The following PPP1R9A variants were observed in gnomAD, a reference collection of about 807,000 sequenced individuals.
PPP1R9A encodes the protein protein phosphatase 1 regulatory subunit 9A.
Under a neutral mutation model 141.9 loss-of-function variants are expected in PPP1R9A, and 59 were observed. The ratio of observed to expected loss-of-function variants is 0.42; its 90% CI spans 0.34 to 0.52. PPP1R9A has a LOEUF of 0.52. Ranked by LOEUF, PPP1R9A falls within the 20% of genes least tolerant of loss-of-function variation. The probability of loss-of-function intolerance (pLI) is 0.10; values close to 1 mark genes in which losing one functional copy is unlikely to be tolerated. For missense variants in PPP1R9A, 1,444 were observed against 1,611.9 expected (o/e 0.90, Z 1.78); for synonymous variants, 500 against 569.7 (o/e 0.88, Z 1.74).
At chr7:94,928,083 G>A (rs1237115013) in intron 2 of PPP1R9A, among the ~76,000 whole-genome samples, 3 of 152,186 alleles carry the variant, frequency 2.0e-5, no homozygotes, top group Admixed American at 6.5e-5. Flanking sequence ...ATCAGGAGGA[G>A]AGGAATCATT....
intron 4 of PPP1R9A, among the ~76,000 whole-genome samples, chr7:95,131,905 T>C (rs1426433919): frequency 6.6e-6 from 1 of 152,180 alleles, no homozygotes; most frequent in Non-Finnish European, 1.5e-5. Flanking sequence ...TATCTTTCAC[T>C]TTCTTGGTTA....
At chr7:95,221,506 A>G (rs190570493) in intron 7 of PPP1R9A, among the ~76,000 whole-genome samples, 141 of 152,160 alleles carry the variant, frequency 9.3e-4, no homozygotes, top group African/African-American at 3.0e-3. Flanking sequence ...GTATGTCTAC[A>G]TACGTCTCCC....
At chr7:95,137,846 A>G (rs185771966) in intron 4 of PPP1R9A, among the ~76,000 whole-genome samples, 1 of 152,296 alleles carries the variant, frequency 6.6e-6, no homozygotes, top group Non-Finnish European at 1.5e-5. Flanking sequence ...TCAGGACAGT[A>G]TGCCATTGGT....
chr7:95,056,136 G>A lies in PPP1R9A; in HGVS notation c.1396-55123G>A, dbSNP rs115622625. ...TTTCTCACTTTTACTTGTTAAAATG[G>A]CATGCATATTTTACATTTCCTAAAG... On this transcript the variant is annotated intron_variant, in intron 2 of 19. Transcript: ENST00000433360. 6.1e-3 allele frequency among the ~76,000 whole-genome samples: 933 copies of A among 151,852 alleles called. 11 individuals are homozygous for A. The highest frequency in any genetic ancestry group is 0.021 in the African/African-American group (882 of 41,408).
intron 12 of PPP1R9A, among the ~76,000 whole-genome samples, chr7:95,253,564 C>T (rs560302998): frequency 4.5e-4 from 69 of 152,118 alleles, no homozygotes; most frequent in Non-Finnish European, 8.2e-4. Flanking sequence ...ATTAGCATTA[C>T]GACTAAGTGA....
In PPP1R9A at chr7:95,241,375, G is replaced by A. The variant is rs533336852; in HGVS notation, c.2113-6098G>A. On this transcript the variant is annotated intron_variant, in intron 8 of 19. Coordinates refer to ENST00000433360, the MANE Select transcript of PPP1R9A (RefSeq NM_001166160.2). ...GTCCACTTTTTGCTTGGGACAGAAT[G>A]GATCTCAAGCCATCAGTGAGGGTGG... Among the ~76,000 whole-genome samples, 8 of 152,270 alleles carry A rather than the reference G, an allele frequency of 5.3e-5. No individual in the cohort carries two copies. The East Asian group carries it at 1.5e-3, about 29-fold the overall frequency.
rs908726395 is a variant in PPP1R9A, at chr7:95,274,288, G to T, written c.3296+120G>T. ...GAGCTAAAGTGATATGCCAAGAATT[G>T]AGATGGAAGAAAAATTGCACAATTA... is the stretch of plus-strand genomic sequence containing the variant. On this transcript the variant is annotated intron_variant, in intron 16 of 19. Transcript: ENST00000433360. 4 of 908,712 alleles carry T rather than the reference G, an allele frequency of 4.4e-6. No homozygotes were observed. In the African/African-American group the frequency reaches 6.8e-5, roughly 15 times the overall value. 56.3% of individuals were successfully genotyped at this position (908,712 alleles called of 1,614,324 possible).
At chr7:95,039,397 C>T (rs913910952) in intron 2 of PPP1R9A, among the ~76,000 whole-genome samples, 2 of 151,592 alleles carry the variant, frequency 1.3e-5, no homozygotes, top group Non-Finnish European at 2.9e-5. Context: ...GGTGAAACCC[C>T]GTCTCTACTT....
At chr7:95,081,282 A>G (rs1468030867) in intron 2 of PPP1R9A, among the ~76,000 whole-genome samples, 1 of 152,238 alleles carries the variant, frequency 6.6e-6, no homozygotes, top group African/African-American at 2.4e-5. Flanking sequence ...TAAAAAGAGC[A>G]TAACAAGGAG....
chr7:95,291,504 TA>T lies in PPP1R9A; in HGVS notation c.*1202del, dbSNP rs1806356799. On this transcript the variant is annotated 3_prime_UTR_variant, in exon 20 of 20. Coordinates refer to ENST00000433360, the MANE Select transcript of PPP1R9A (RefSeq NM_001166160.2). ...AAGGCAGTGCATAGGTATACTTTAGTAGTGGAGGAACTTATACTAATTTTAA... is the reference window on the plus strand; with the variant it reads ...AAGGCAGTGCATAGGTATACTTTAGTGTGGAGGAACTTATACTAATTTTAA... The T allele has an allele frequency of 6.6e-6, 1 of 152,234 alleles. No homozygotes were observed. Among genetic ancestry groups the T allele is most frequent in the African/African-American group, 2.4e-5 (1 of 41,464 alleles). 9.4% of individuals were successfully genotyped at this position (152,234 alleles called of 1,614,324 possible). A position where few individuals can be genotyped will look rare whatever the true frequency, so the allele number is the denominator to read the frequency against.
At chr7:94,911,572 T>G in intron 2 of PPP1R9A, 64 bp downstream of exon 2, 2 of 1,270,314 alleles carry the variant, frequency 1.6e-6, no homozygotes, top group Non-Finnish European at 2.2e-6. Context: ...TAATTGTATG[T>G]AGAATAGACT....
intron 5 of PPP1R9A, among the ~76,000 whole-genome samples, chr7:95,191,317 G>C (rs1447465815): frequency 5.9e-5 from 9 of 152,184 alleles, no homozygotes; most frequent in South Asian, 2.1e-4. Context: ...GTGAAATAAT[G>C]CACATTAAAA....
At chr7:95,185,744 T>A (rs1834553938) in intron 5 of PPP1R9A, among the ~76,000 whole-genome samples, 1 of 152,206 alleles carries the variant, frequency 6.6e-6, no homozygotes, top group Non-Finnish European at 1.5e-5. Context: ...CTTCTACATG[T>A]GGCTTTCCAA....
intron 2 of PPP1R9A, among the ~76,000 whole-genome samples, chr7:95,094,332 A>G (rs1234757940): frequency 1.3e-5 from 2 of 152,186 alleles, no homozygotes; most frequent in Non-Finnish European, 2.9e-5. Context: ...ATACTTGCTC[A>G]TTATACAGAA....
chr7:95,227,653 A>G (rs1795331335), intron 8 of PPP1R9A, among the ~76,000 whole-genome samples: 1 of 152,166 alleles, frequency 6.6e-6, no homozygotes, highest in South Asian at 2.1e-4. Context: ...ATGGCCTGCA[A>G]ATCCTAAATT....
At chr7:95,161,796 G>C in intron 4 of PPP1R9A, 71 bp from the exon 5 acceptor site, 1 of 1,004,174 alleles carries the variant, frequency 1.0e-6, no homozygotes, top group Non-Finnish European at 1.5e-6. Flanking sequence ...CAACTGATTT[G>C]TTGGAAATGA....
intron 2 of PPP1R9A, among the ~76,000 whole-genome samples, chr7:95,084,857 C>G (rs955603059): frequency 6.6e-6 from 1 of 151,942 alleles, no homozygotes; most frequent in African/African-American, 2.4e-5. Flanking sequence ...TCATCACCAT[C>G]GCAAACCATG....
chr7:95,197,675 C>T (rs1016468965), intron 5 of PPP1R9A, among the ~76,000 whole-genome samples: 1 of 152,092 alleles, frequency 6.6e-6, no homozygotes, highest in African/African-American at 2.4e-5. Context: ...TGGTTTGAGA[C>T]AGAGTCTCTG....
Position 95,250,247 on chromosome 7 carries a change from T to G in PPP1R9A, c.2388T>G (p.Phe796Leu). Reference sequence around the variant, plus strand: ...AGGCAAAGAAGTTGATCAAGGATTTTCAACAAAAGTAAGCCGCTTCTAATA... The same window carrying G: ...AGGCAAAGAAGTTGATCAAGGATTTGCAACAAAAGTAAGCCGCTTCTAATA... Reference protein sequence around the residue: ...YNKAKKLIKDFQQKELDFIKR... With the variant: ...YNKAKKLIKDLQQKELDFIKR... The change falls in exon 10 of 20, where the codon TTT (phenylalanine) becomes TTG (leucine). Residue 796 changes from phenylalanine to leucine, a missense_variant. By Grantham distance (22) the Phe-to-Leu change is conservative. This residue lies in a region of PPP1R9A where 488 missense variants were observed against 542.0 expected (regional missense o/e 0.90). Transcript: ENST00000433360. 6.2e-7 allele frequency: 1 copy of G among 1,604,160 alleles called. No homozygotes were observed. The highest frequency in any genetic ancestry group is 2.2e-5 in the East Asian group (1 of 44,772).
Sources: allele counts gnomAD v4.1 joint callset (sites outside exome capture counted in the v4.1 genomes callset), GRCh38; gene constraint gnomAD v4.1.1; regional missense constraint gnomAD v4.1.1; transcripts MANE v1.5; gene names NCBI Gene and HGNC (gene_info 2026-07-23, HGNC 2026-07-21).